Variants in RBMS1 observed in about 807,000 individuals in gnomAD.
The protein encoded by RBMS1 is RNA binding motif single stranded interacting protein 1.
A neutral mutation model predicts 62.3 loss-of-function variants in RBMS1; 17 were observed. That is an observed-to-expected ratio of 0.27 (90% CI 0.19 to 0.41). The LOEUF (loss-of-function observed/expected upper bound fraction) is 0.41. Ranked by LOEUF, RBMS1 falls within the 10% of genes least tolerant of loss-of-function variation. The pLI is 1.00. For synonymous variants in RBMS1, 172 were observed against 170.0 expected (o/e 1.01, Z -0.09); for missense variants, 334 against 504.5 (o/e 0.66, Z 3.24).
At chr2:160,448,343 G>C (rs1031351653) in intron 1 of RBMS1, among the ~76,000 whole-genome samples, 12 of 125,682 alleles carry the variant, frequency 9.5e-5, no homozygotes, top group East Asian at 2.7e-4. Flanking sequence ...CTCTGATGCC[G>C]AGCGGAGGCT....
At chr2:160,314,913 T>G (rs917857279) in intron 3 of RBMS1, among the ~76,000 whole-genome samples, 2 of 152,166 alleles carry the variant, frequency 1.3e-5, no homozygotes, top group Non-Finnish European at 2.9e-5. Flanking sequence ...CACACAGGCA[T>G]GTACATGCAC....
At chr2:160,491,928 T>C (rs1471128363) in intron 1 of RBMS1, among the ~76,000 whole-genome samples, 1 of 152,118 alleles carries the variant, frequency 6.6e-6, no homozygotes, top group Non-Finnish European at 1.5e-5. Context: ...AAGTGGGAAT[T>C]GGGGGAAGTG....
chr2:160,389,082 G>T (rs536590954), intron 1 of RBMS1, among the ~76,000 whole-genome samples: 21 of 152,332 alleles, frequency 1.4e-4, no homozygotes, highest in African/African-American at 4.8e-4. Flanking sequence ...ATCAGAAAGG[G>T]TGGAGCACCT....
At position 160,454,667 on chromosome 2, in the gene RBMS1, G is replaced by A. The variant is rs574827138; in HGVS notation, c.75+38622C>T. Among the ~76,000 whole-genome samples, 3 of 152,312 alleles carry A rather than the reference G, an allele frequency of 2.0e-5. No individual in the cohort carries two copies. In the East Asian group the frequency reaches 5.8e-4, roughly 29 times the overall value. On this transcript the variant is annotated intron_variant, in intron 1 of 13. Transcript: ENST00000348849. ...ATGCCTGGAACCCAGTGAAGAAGAG[G>A]AGTGGCGAGCCAACCTAGAACTCCT... is the stretch of plus-strand genomic sequence containing the variant.
At chr2:160,476,848 C>A (rs1685161537) in intron 1 of RBMS1, among the ~76,000 whole-genome samples, 1 of 152,124 alleles carries the variant, frequency 6.6e-6, no homozygotes, top group Non-Finnish European at 1.5e-5. Context: ...GCCACCGCGC[C>A]CGGCCCAAAA....
At chr2:160,365,158 G>A (rs534489046) in intron 2 of RBMS1, among the ~76,000 whole-genome samples, 8 of 152,220 alleles carry the variant, frequency 5.3e-5, no homozygotes, top group Non-Finnish European at 1.2e-4. Context: ...TCTAAGGCAC[G>A]AAACTCTCAG....
intron 4 of RBMS1, among the ~76,000 whole-genome samples, chr2:160,306,128 C>CGT (rs60939006): frequency 0.03 from 4,559 of 149,900 alleles, 116 homozygotes; most frequent in African/African-American, 0.067. Context: ...TTGTTTCTCT[C>CGT]GTGTGTGTGT....
intron 1 of RBMS1, among the ~76,000 whole-genome samples, chr2:160,370,043 G>A (rs1693636853): frequency 6.6e-6 from 1 of 152,138 alleles, no homozygotes; most frequent in South Asian, 2.1e-4. Flanking sequence ...AGCAGGTACA[G>A]CCTGTGCTTC....
chr2:160,381,631 G>C (rs1694288811), intron 1 of RBMS1, among the ~76,000 whole-genome samples: 1 of 152,184 alleles, frequency 6.6e-6, no homozygotes, highest in Non-Finnish European at 1.5e-5. Flanking sequence ...GAAAATGGGA[G>C]TGAAGGAGGC....
In RBMS1 at chr2:160,377,419, A is replaced by G. The variant is rs1392734557; in HGVS notation, c.76-10028T>C. Among the ~76,000 whole-genome samples the G allele has an allele frequency of 3.3e-5, 5 of 152,198 alleles. No individual in the cohort carries two copies. In the East Asian group the frequency reaches 9.6e-4, roughly 29 times the overall value. ...ACTGTTAAAATGCAGATTTTGACTC[A>G]GCCATTTGGGGTGGGGTCAAGTTTC... On this transcript the variant is annotated intron_variant, in intron 1 of 13. Transcript: ENST00000348849.
intron 1 of RBMS1, among the ~76,000 whole-genome samples, chr2:160,378,814 A>T (rs1694134106): frequency 6.6e-6 from 1 of 152,158 alleles, no homozygotes; most frequent in Admixed American, 6.5e-5. Flanking sequence ...TTAAAAATAA[A>T]ATGGAGAGAT....
At chr2:160,458,539 G>A (rs1468646874) in intron 1 of RBMS1, among the ~76,000 whole-genome samples, 2 of 152,194 alleles carry the variant, frequency 1.3e-5, no homozygotes, top group Non-Finnish European at 2.9e-5. Context: ...GCTCACACCT[G>A]TAATCCCAGC....
intron 2 of RBMS1, among the ~76,000 whole-genome samples, chr2:160,324,905 T>TACAC (rs1479224727): frequency 0.011 from 1,270 of 118,598 alleles, 16 homozygotes; most frequent in African/African-American, 0.032. Flanking sequence ...TATATATATA[T>TACAC]ATACACACAC....
chr2:160,402,377 G>A (rs1012404437), intron 1 of RBMS1, among the ~76,000 whole-genome samples: 5 of 152,154 alleles, frequency 3.3e-5, no homozygotes, highest in African/African-American at 9.7e-5. Context: ...AAAAGTAATA[G>A]TATGTCTTAT....
chr2:160,391,850 T>C lies in RBMS1; in HGVS notation c.76-24459A>G, dbSNP rs558057933. On this transcript the variant is annotated intron_variant, in intron 1 of 13. Transcript: ENST00000348849. ...AAAATTAGCCGGGCGTGGTGGCACA[T>C]GCTTGTAGTCTCAGCTACTCGGGAG... 9.9e-5 allele frequency among the ~76,000 whole-genome samples: 15 copies of C among 152,006 alleles called. No individual in the cohort carries two copies. The East Asian group carries it at 2.5e-3, about 26-fold the overall frequency.
chr2:160,492,499 G>A (rs961411972), intron 1 of RBMS1, among the ~76,000 whole-genome samples: 1 of 152,176 alleles, frequency 6.6e-6, no homozygotes, highest in African/African-American at 2.4e-5. Context: ...AAATCGATCT[G>A]TGGCAAACAT....
chr2:160,341,623 A>C (rs1266942730), intron 2 of RBMS1, among the ~76,000 whole-genome samples: 3 of 152,192 alleles, frequency 2.0e-5, no homozygotes, highest in African/African-American at 7.2e-5. Context: ...TCTTAATTAG[A>C]CAGTATCTCA....
At chr2:160,399,139 C>T (rs1011094782) in intron 1 of RBMS1, among the ~76,000 whole-genome samples, 7 of 152,142 alleles carry the variant, frequency 4.6e-5, no homozygotes, top group Non-Finnish European at 1.0e-4. Flanking sequence ...CCTGAAATGT[C>T]GCCTTCCATG....
At chr2:160,442,978 G>A (rs1401644872) in intron 1 of RBMS1, among the ~76,000 whole-genome samples, 1 of 152,150 alleles carries the variant, frequency 6.6e-6, no homozygotes, top group East Asian at 1.9e-4. Context: ...GGCAGAGGCG[G>A]GTGGATCACT....
Sources: allele counts gnomAD v4.1 joint callset (sites outside exome capture counted in the v4.1 genomes callset), GRCh38; gene constraint gnomAD v4.1.1; transcripts MANE v1.5; gene names NCBI Gene and HGNC (gene_info 2026-07-23, HGNC 2026-07-21).